Variants in IQCE observed in about 807,000 individuals in gnomAD.
The protein encoded by IQCE is IQ motif containing E.
Under a neutral mutation model 96.0 loss-of-function variants are expected in IQCE, and 115 were observed. The ratio of observed to expected loss-of-function variants is 1.20; its 90% confidence interval spans 1.03 to 1.40. The LOEUF (loss-of-function observed/expected upper bound fraction) is 1.40, where lower values mean the gene tolerates loss of function less well. Among genes scored for constraint, IQCE ranks in the 40% most tolerant of loss-of-function variants. The probability of loss-of-function intolerance (pLI) is 0.00; values close to 1 mark genes in which losing one functional copy is unlikely to be tolerated. For missense variants in IQCE, 1,041 were observed against 909.1 expected (o/e 1.15, Z -1.87); for synonymous variants, 412 against 371.2 (o/e 1.11, Z -1.26).
chr7:2,606,102 C>A, intron 20 of IQCE, 105 bp downstream of exon 20: 1 of 1,350,096 alleles, frequency 7.4e-7, no homozygotes, highest in Non-Finnish European at 9.7e-7. Flanking sequence ...GAAACTGGAG[C>A]AGCGCCTGCC....
At chr7:2,607,477 T>A in intron 21 of IQCE, 1 of 1,308,572 alleles carries the variant, frequency 7.6e-7, no homozygotes, top group Non-Finnish European at 9.7e-7. Flanking sequence ...TGCTCTCAGC[T>A]CCAACAGGAC....
intron 16 of IQCE, among the ~76,000 whole-genome samples, chr7:2,597,481 C>T (rs1022989146): frequency 3.3e-5 from 5 of 152,232 alleles, no homozygotes; most frequent in Non-Finnish European, 7.3e-5. Context: ...TGTGGACAGG[C>T]CACCTGCGCC....
intron 8 of IQCE, chr7:2,582,109 C>T (rs780850890): frequency 1.7e-5 from 8 of 467,316 alleles, no homozygotes; most frequent in South Asian, 1.2e-4. Context: ...TTCTCCCTTC[C>T]CCAAATAGAG....
chr7:2,593,231 A>G lies in IQCE; in HGVS notation c.1349+105A>G, dbSNP rs564759525. The G allele has an allele frequency of 4.0e-5, 59 of 1,466,036 alleles. 1 individual carries two copies. In the South Asian group the frequency reaches 8.5e-4, roughly 21 times the overall value. The allele number at this position is 1,466,036 out of a possible 1,614,324, so 90.8% of individuals were successfully genotyped here. A position where few individuals can be genotyped will look rare whatever the true frequency, so the allele number is the denominator to read the frequency against. ...CAGCCTTGCTGCCAGCCGGCTTCTT[A>G]GAAAGGCCACACCTCCTCACAGTCT... is the stretch of plus-strand genomic sequence containing the variant. On this transcript the variant is annotated intron_variant, in intron 15 of 21. Coordinates refer to ENST00000402050, the MANE Select transcript of IQCE (RefSeq NM_152558.5).
intron 1 of IQCE, among the ~76,000 whole-genome samples, chr7:2,566,890 C>G (rs1446210801): frequency 6.6e-6 from 1 of 152,242 alleles, no homozygotes; most frequent in Non-Finnish European, 1.5e-5. Context: ...ATTTGCACGC[C>G]TGCTGGGCGG....
chr7:2,591,400 A>G (rs1430935663), intron 14 of IQCE, among the ~76,000 whole-genome samples: 2 of 152,036 alleles, frequency 1.3e-5, no homozygotes, highest in Non-Finnish European at 2.9e-5. Flanking sequence ...TCCTGTTGAT[A>G]GCTCCTCAGG....
At chr7:2,606,751 G>A (rs187631820) in intron 20 of IQCE, among the ~76,000 whole-genome samples, 177 of 152,318 alleles carry the variant, frequency 1.2e-3, no homozygotes, top group African/African-American at 3.8e-3. Flanking sequence ...ATCCCTGGGC[G>A]GCGAGCCCCA....
At chr7:2,582,445 C>T (rs140474240) in intron 8 of IQCE, 135 bp from the exon 9 acceptor site, 15 of 735,958 alleles carry the variant, frequency 2.0e-5, no homozygotes, top group Admixed American at 1.5e-4. Flanking sequence ...TCCCTGGGCC[C>T]GTAGTCTAGA....
chr7:2,583,069 T>C lies in IQCE; in HGVS notation c.701+419T>C, dbSNP rs567667991. Among the ~76,000 whole-genome samples, 10 of 152,316 alleles carry C rather than the reference T, an allele frequency of 6.6e-5. No individual in the cohort carries two copies. In the South Asian group the frequency reaches 2.1e-3, roughly 32 times the overall value. ...GGCCACACGTCCATTGCCTTATGTC[T>C]CCTGTTCGTACAATAGTTCCCCCCT... On this transcript the variant is annotated intron_variant, in intron 9 of 21. Coordinates refer to ENST00000402050, the MANE Select transcript of IQCE (RefSeq NM_152558.5).
At position 2,569,091 on chromosome 7, in the gene IQCE, G is replaced by GCT. The variant is rs1016105870; in HGVS notation, c.130+93_130+94dup. On this transcript the variant is annotated intron_variant, in intron 3 of 21. Transcript: ENST00000402050. ...GGTATTTGCTTTGTACATTTAGGTA[G>GCT]CTGAGACCTGACGCCTCAGCCAGTT... The GCT allele has an allele frequency of 1.3e-5, 16 of 1,266,798 alleles. No homozygotes were observed. In the African/African-American group the frequency reaches 2.2e-4, roughly 18 times the overall value. 78.5% of individuals were successfully genotyped at this position (1,266,798 alleles called of 1,614,324 possible). A position where few individuals can be genotyped will look rare whatever the true frequency, so the allele number is the denominator to read the frequency against.
At chr7:2,605,820 G>A in intron 19 of IQCE, 56 bp from the exon 20 acceptor site, 1 of 1,461,734 alleles carries the variant, frequency 6.8e-7, no homozygotes. Context: ...GTTGAGTGCT[G>A]GGAGCCAGCA....
intron 6 of IQCE, among the ~76,000 whole-genome samples, chr7:2,577,370 G>A (rs1223711294): frequency 7.0e-6 from 1 of 143,088 alleles, no homozygotes; most frequent in African/African-American, 2.5e-5. Context: ...GGGGACGTGT[G>A]TGCGGCGTGC....
intron 8 of IQCE, among the ~76,000 whole-genome samples, chr7:2,581,861 C>T (rs969369984): frequency 1.3e-4 from 20 of 152,154 alleles, no homozygotes; most frequent in South Asian, 4.1e-4. Context: ...AGGCGCCCGC[C>T]ACCGCGCCTG....
In IQCE at chr7:2,612,710, C is replaced by T. The variant is rs528086610; in HGVS notation, c.*2548C>T. 1.3e-4 allele frequency: 11 copies of T among 82,500 alleles called. No individual in the cohort carries two copies. In the South Asian group the frequency reaches 1.5e-3, roughly 11 times the overall value. 5.1% of individuals were successfully genotyped at this position (82,500 alleles called of 1,614,324 possible). The stretch of plus-strand genomic sequence containing the variant: ...GTGAGCTGTGGGCGGGGCCTAGTCA[C>T]GGGAGAGGTGAGCTGTGGGCGGGGC... On this transcript the variant is annotated 3_prime_UTR_variant, in exon 22 of 22. Transcript: ENST00000402050.
Position 2,610,159 on chromosome 7 carries a change from T to G in IQCE, c.2085T>G (p.Val695=). 1 of 1,576,424 alleles carries G rather than the reference T, an allele frequency of 6.3e-7. No homozygotes were observed. Reference sequence around the variant, plus strand: ...CTCTGCCCACGAAGAACTTTCCAGTTTAGGTCCCCGTCACTGTCTCCACGC... The same window carrying G: ...CTCTGCCCACGAAGAACTTTCCAGTGTAGGTCCCCGTCACTGTCTCCACGC... ...APSLPTKNFP[V] Residue 695 remains valine, a synonymous_variant, in exon 22 of 22, where the codon GTT becomes GTG. Coordinates refer to ENST00000402050, the MANE Select transcript of IQCE (RefSeq NM_152558.5).
intron 4 of IQCE, among the ~76,000 whole-genome samples, 190 bp from the exon 5 acceptor site, chr7:2,571,985 TACCGTGGAAATAGGCAA>T (rs1188912297): frequency 6.6e-6 from 1 of 152,132 alleles, no homozygotes; most frequent in Non-Finnish European, 1.5e-5. Context: ...GAAATATGTA[TACCGTGGAAATAGGCAA>T]ACATTGTAAT....
At chr7:2,609,819 T>A (rs547209593) in intron 21 of IQCE, among the ~76,000 whole-genome samples, 447 of 150,896 alleles carry the variant, frequency 3.0e-3, no homozygotes, top group African/African-American at 0.01. Flanking sequence ...GGCTGGAGAG[T>A]GAGGCTTTCT....
intron 5 of IQCE, 32 bp downstream of exon 5, chr7:2,572,358 CA>C: frequency 6.2e-7 from 1 of 1,604,732 alleles, no homozygotes; most frequent in Non-Finnish European, 8.5e-7. Context: ...AGGCTGAGGC[CA>C]AGGAAGAGCA....
At chr7:2,586,941 C>T (rs1226464915) in intron 12 of IQCE, among the ~76,000 whole-genome samples, 1 of 152,124 alleles carries the variant, frequency 6.6e-6, no homozygotes, top group East Asian at 1.9e-4. Context: ...GGGGGCCGTG[C>T]TGCTTCCCGA....
Sources: gnomAD v4.1 joint callset for allele counts (sites outside exome capture counted in the v4.1 genomes callset) on GRCh38, gnomAD v4.1.1 for gene constraint, MANE v1.5 for transcripts, NCBI Gene and HGNC (gene_info 2026-07-23, HGNC 2026-07-21) for gene names.